The following CLEC19A variants were observed in gnomAD, a reference collection of about 807,000 sequenced individuals.
CLEC19A encodes C-type lectin domain family 19 member A.
In CLEC19A, 21 loss-of-function variants were observed where a neutral mutation model predicts 26.1. The observed-to-expected ratio is 0.80, with a 90% CI of 0.57 to 1.16. CLEC19A has a LOEUF of 1.16. CLEC19A is among the 50% of genes most tolerant of loss of function. CLEC19A has a pLI of 0.00. For synonymous variants in CLEC19A, 89 were observed against 88.6 expected (o/e 1.00, Z -0.03); for missense variants, 224 against 227.6 (o/e 0.98, Z 0.10).
At chr16:19,305,086 TGC>T (rs1897923285) in intron 3 of CLEC19A, 1 of 152,374 alleles carries the variant, frequency 6.6e-6, no homozygotes, top group African/African-American at 2.4e-5. Context: ...CAGAGGCATG[TGC>T]TTATCACAGA....
intron 1 of CLEC19A, among the ~76,000 whole-genome samples, chr16:19,289,052 T>C (rs1257923904): frequency 4.6e-5 from 7 of 152,332 alleles, no homozygotes; most frequent in South Asian, 2.1e-4. Context: ...ACTATGATCA[T>C]GCCCATTGTA....
At chr16:19,299,657 C>T (rs1897776669) in intron 2 of CLEC19A, among the ~76,000 whole-genome samples, 1 of 152,228 alleles carries the variant, frequency 6.6e-6, no homozygotes, top group South Asian at 2.1e-4. Context: ...TTCAAGACAG[C>T]TCTGACAACA....
At chr16:19,294,936 G>A (rs1219488194) in intron 1 of CLEC19A, among the ~76,000 whole-genome samples, 1 of 152,044 alleles carries the variant, frequency 6.6e-6, no homozygotes, top group Non-Finnish European at 1.5e-5. Flanking sequence ...CTCAGTCCTG[G>A]CACTACTGAC....
chr16:19,301,727 GTTTTTTTGGT>G lies in CLEC19A; in HGVS notation c.255-2327_255-2318del, dbSNP rs1240302894. Among the ~76,000 whole-genome samples the G allele has an allele frequency of 6.0e-4, 17 of 28,554 alleles. 1 individual carries two copies. The highest frequency in any genetic ancestry group is 1.4e-3 in the African/African-American group (16 of 11,576). The allele number at this position is 28,554 out of a possible 152,430, so 18.7% of individuals were successfully genotyped here. A position where few individuals can be genotyped will look rare whatever the true frequency, so the allele number is the denominator to read the frequency against. ...TACAGGCGCATGACACCATGCCCAG[GTTTTTTTGGT>G]TTTTTTTTTTTTTTTTTTTTTTTTT... is the stretch of plus-strand genomic sequence containing the variant. On this transcript the variant is annotated intron_variant, in intron 2 of 4. Coordinates refer to ENST00000636231, the MANE Select transcript of CLEC19A (RefSeq NM_001256720.2).
intron 1 of CLEC19A, among the ~76,000 whole-genome samples, chr16:19,287,024 T>C (rs1007566186): frequency 7.4e-5 from 10 of 134,308 alleles, no homozygotes; most frequent in Admixed American, 2.2e-4. Context: ...TATCCTTCTT[T>C]TTTTTTTTTT....
intron 2 of CLEC19A, among the ~76,000 whole-genome samples, chr16:19,301,146 A>G (rs569040084): frequency 2.3e-3 from 346 of 152,330 alleles, no homozygotes; most frequent in African/African-American, 7.9e-3. Flanking sequence ...CAAATGCAAA[A>G]GTGATTCCAA....
At position 19,309,204 on chromosome 16, in the gene CLEC19A, T is replaced by C; in HGVS notation, c.*121T>C. ...AGGAAGTAAATCTCTTGGACAGAGA[T>C]TTTAAACAAGCAGATCTTAATTATA... On this transcript the variant is annotated 3_prime_UTR_variant, in exon 5 of 5. Coordinates refer to ENST00000636231, the MANE Select transcript of CLEC19A (RefSeq NM_001256720.2). The C allele has an allele frequency of 1.3e-6, 1 of 748,690 alleles. No homozygotes were observed. Among genetic ancestry groups the C allele is most frequent in the Non-Finnish European group, 2.2e-6 (1 of 463,510 alleles). 46.4% of individuals were successfully genotyped at this position (748,690 alleles called of 1,614,324 possible).
intron 1 of CLEC19A, among the ~76,000 whole-genome samples, chr16:19,293,061 T>A (rs77504388): frequency 0.014 from 2,162 of 152,190 alleles, 32 homozygotes; most frequent in African/African-American, 0.03. Context: ...AAGAACAGAC[T>A]GAATTAGAGA....
At chr16:19,286,532 G>T (rs1442731915) in intron 1 of CLEC19A, among the ~76,000 whole-genome samples, 2 of 152,202 alleles carry the variant, frequency 1.3e-5, no homozygotes, top group Non-Finnish European at 2.9e-5. Flanking sequence ...TGGGCATGTG[G>T]CCTCCCAGTG....
intron 1 of CLEC19A, among the ~76,000 whole-genome samples, chr16:19,292,846 G>T (rs1897618442): frequency 6.6e-6 from 1 of 152,136 alleles, no homozygotes; most frequent in South Asian, 2.1e-4. Flanking sequence ...GTAAGGAGGG[G>T]GTGAATGACA....
intron 4 of CLEC19A, among the ~76,000 whole-genome samples, 174 bp downstream of exon 4, chr16:19,307,851 G>A (rs1169450558): frequency 6.6e-6 from 1 of 152,162 alleles, no homozygotes; most frequent in Non-Finnish European, 1.5e-5. Context: ...ATGGCCATTC[G>A]CCACAATGGA....
intron 1 of CLEC19A, among the ~76,000 whole-genome samples, chr16:19,290,847 C>CT (rs1308347752): frequency 2.0e-5 from 3 of 151,690 alleles, no homozygotes; most frequent in Non-Finnish European, 4.4e-5. Context: ...TTCTTTCTTT[C>CT]TTTTTTTTAG....
rs1359025611 is a variant in CLEC19A, at chr16:19,304,191, C to T, written c.348+36C>T. 18 of 1,509,044 alleles carry T rather than the reference C, an allele frequency of 1.2e-5. No homozygotes were observed. The Middle Eastern group carries it at 5.1e-4, about 42-fold the overall frequency. The allele number at this position is 1,509,044 out of a possible 1,614,324, so 93.5% of individuals were successfully genotyped here. On this transcript the variant is annotated intron_variant, in intron 3 of 4. Transcript: ENST00000636231. ...AGTGGCCATTGGGCCCCCTTGGAAG[C>T]TCCAGCCAGGATTCTATTTTGATTT... is the stretch of plus-strand genomic sequence containing the variant.
At chr16:19,297,322 C>A (rs1284389671) in intron 1 of CLEC19A, among the ~76,000 whole-genome samples, 3 of 152,142 alleles carry the variant, frequency 2.0e-5, no homozygotes, top group African/African-American at 7.2e-5. Flanking sequence ...AAACAAGATA[C>A]CCTTTTTTTG....
intron 1 of CLEC19A, among the ~76,000 whole-genome samples, chr16:19,296,989 G>A (rs1251718637): frequency 6.6e-6 from 1 of 152,112 alleles, no homozygotes; most frequent in Non-Finnish European, 1.5e-5. Context: ...TTCCACCCCT[G>A]CCCACTGGCT....
chr16:19,289,700 T>C (rs545109168), intron 1 of CLEC19A, among the ~76,000 whole-genome samples: 1 of 152,334 alleles, frequency 6.6e-6, no homozygotes, highest in East Asian at 1.9e-4. Context: ...TAAGAAATTG[T>C]CTAATGCTTT....
chr16:19,294,328 AG>A (rs755040340), intron 1 of CLEC19A, among the ~76,000 whole-genome samples: 14 of 152,180 alleles, frequency 9.2e-5, no homozygotes, highest in East Asian at 5.8e-4. Context: ...GGGGGTGCCC[AG>A]GGGCCAGAAA....
At chr16:19,290,850 T>G (rs1189006692) in intron 1 of CLEC19A, among the ~76,000 whole-genome samples, 2 of 152,326 alleles carry the variant, frequency 1.3e-5, no homozygotes, top group Non-Finnish European at 2.9e-5. Context: ...TTTCTTTCTT[T>G]TTTTTAGAGA....
chr16:19,309,164 A>G lies in CLEC19A; in HGVS notation c.*81A>G. The G allele has an allele frequency of 2.0e-6, 2 of 998,764 alleles. No individual in the cohort carries two copies. Among genetic ancestry groups the G allele is most frequent in the South Asian group, 2.9e-5 (2 of 69,454 alleles). The allele number at this position is 998,764 out of a possible 1,614,324, so 61.9% of individuals were successfully genotyped here. On this transcript the variant is annotated 3_prime_UTR_variant, in exon 5 of 5. Transcript: ENST00000636231. ...CCAGTGTAGAATTGACATTGAATAC[A>G]TGTAAAACATACATAGGAAGTAAAT... is the stretch of plus-strand genomic sequence containing the variant.
Sources: gnomAD v4.1 joint callset for allele counts (sites outside exome capture counted in the v4.1 genomes callset) on GRCh38, gnomAD v4.1.1 for gene constraint, MANE v1.5 for transcripts, NCBI Gene and HGNC (gene_info 2026-07-23, HGNC 2026-07-21) for gene names.